MPHOSPH9: variants seen among roughly 807,000 people sequenced by gnomAD.
The protein encoded by MPHOSPH9 is M-phase phosphoprotein 9.
Under a neutral mutation model 145.5 loss-of-function variants are expected in MPHOSPH9, and 88 were observed. The observed-to-expected ratio is 0.60, with a 90% CI of 0.51 to 0.72. The LOEUF (loss-of-function observed/expected upper bound fraction) is 0.72. Among genes scored for constraint, MPHOSPH9 ranks in the 30% least tolerant of loss-of-function variants. The pLI is 0.00. For synonymous variants in MPHOSPH9, 435 were observed against 486.2 expected (o/e 0.89, Z 1.39); for missense variants, 1,238 against 1,386.6 (o/e 0.89, Z 1.70).
rs774604057 is a variant in MPHOSPH9 at position 123,221,520 on chromosome 12, C to T, written c.724G>A (p.Gly242Ser). 3 of 1,614,012 alleles carry T rather than the reference C, an allele frequency of 1.9e-6. No homozygotes were observed. The East Asian group carries it at 6.7e-5, about 36-fold the overall frequency. Residue 242 changes from glycine to serine, a missense_variant, in exon 5 of 24, where the codon GGT (glycine) becomes AGT (serine). Physicochemically the swap from Gly to Ser is moderately conservative, Grantham distance 56 (BLOSUM62 0). Coordinates refer to ENST00000606320, the MANE Select transcript of MPHOSPH9 (RefSeq NM_022782.4). The part of the protein sequence containing the change: ...PAVPAESLVD[G>S]VKNENFYIQT... ...ATATAAAAATTCTCATTTTTCACAC[C>T]ATCTACAAGTGACTCAGCCGGCACC... is the stretch of plus-strand genomic sequence containing the variant.
intron 17 of MPHOSPH9, 71 bp from the exon 18 acceptor site, chr12:123,165,548 C>A: frequency 7.5e-7 from 1 of 1,341,568 alleles, no homozygotes; most frequent in Non-Finnish European, 1.0e-6. Context: ...GCCCCCACAC[C>A]AAACATACAT....
chr12:123,214,807 G>A lies in MPHOSPH9; in HGVS notation c.1024C>T (p.Arg342Cys), dbSNP rs771509814. The A allele has an allele frequency of 1.2e-5, 19 of 1,613,464 alleles. No homozygotes were observed. In the East Asian group the frequency reaches 1.6e-4, roughly 13 times the overall value. Reference protein sequence around the residue: ...KSDFAAATHPRAFYLSKPDET... With the variant: ...KSDFAAATHPCAFYLSKPDET... ...TCTGGTTTACTGAGGTAAAAAGCAC[G>A]AGGATGTGTAGCAGCAGCAAAATCA... The change falls in exon 7 of 24, where the codon CGT (arginine) becomes TGT (cysteine). Residue 342 changes from arginine to cysteine, a missense_variant. This residue lies in a region of MPHOSPH9 where 837 missense variants were observed against 897.5 expected (regional missense o/e 0.93). Coordinates refer to ENST00000606320, the MANE Select transcript of MPHOSPH9 (RefSeq NM_022782.4).
upstream of MPHOSPH9, among the ~76,000 whole-genome samples, chr12:123,235,049 C>T (rs534531173): frequency 5.1e-4 from 77 of 152,344 alleles, no homozygotes; most frequent in African/African-American, 1.8e-3. Flanking sequence ...ATGAAATAAT[C>T]AGTTCCCAGA....
chr12:123,213,422 C>T (rs2046830069), intron 7 of MPHOSPH9, among the ~76,000 whole-genome samples: 1 of 152,050 alleles, frequency 6.6e-6, no homozygotes, highest in Non-Finnish European at 1.5e-5. Context: ...TCACTGCAGC[C>T]TTGACCTCCC....
rs184954284 is a variant in MPHOSPH9, at chr12:123,176,011, A to G, written c.2456+677T>C. On this transcript the variant is annotated intron_variant, in intron 16 of 23. Transcript: ENST00000606320. Reference sequence around the variant, plus strand: ...GCTTTCCAAAATTCTGGAATTACAGACGTGAACCACTGTGCCCGGCCCTAG... The same window carrying G: ...GCTTTCCAAAATTCTGGAATTACAGGCGTGAACCACTGTGCCCGGCCCTAG... 3.1e-3 allele frequency among the ~76,000 whole-genome samples: 478 copies of G among 152,210 alleles called. 1 individual carries two copies. The highest frequency in any genetic ancestry group is 0.011 in the African/African-American group (463 of 41,542).
chr12:123,186,868 A>G (rs961715743), intron 13 of MPHOSPH9, among the ~76,000 whole-genome samples: 40 of 152,188 alleles, frequency 2.6e-4, no homozygotes, highest in African/African-American at 8.9e-4. Context: ...GGCTGAGGCA[A>G]GAGAATTGTT....
At chr12:123,211,269 G>C (rs542171287) in intron 7 of MPHOSPH9, among the ~76,000 whole-genome samples, 90 of 152,212 alleles carry the variant, frequency 5.9e-4, no homozygotes, top group African/African-American at 2.1e-3. Context: ...ACAGGTGTGA[G>C]CCACCGTGCC....
chr12:123,207,965 G>A (rs2046514669), intron 8 of MPHOSPH9, among the ~76,000 whole-genome samples: 3 of 151,714 alleles, frequency 2.0e-5, no homozygotes, highest in South Asian at 4.2e-4. Flanking sequence ...ATGGGCCAGC[G>A]CAGTGGCTCA....
At chr12:123,157,986 AT>A (rs1256724225) in intron 23 of MPHOSPH9, among the ~76,000 whole-genome samples, 22 of 149,354 alleles carry the variant, frequency 1.5e-4, no homozygotes, top group Admixed American at 2.0e-4. Context: ...CTTTTATTTT[AT>A]TTTTTTTTTT....
Position 123,230,367 on chromosome 12 carries a change from T to C in MPHOSPH9, c.-3A>G, listed in dbSNP as rs2047593598. On this transcript the variant is annotated 5_prime_UTR_variant, in exon 2 of 24. Coordinates refer to ENST00000606320, the MANE Select transcript of MPHOSPH9 (RefSeq NM_022782.4). ...TTCACCAAGTCAAACTCTTCCATAG[T>C]GTACAGAAATTGTTATATTCTCTTA... 2 of 1,491,356 alleles carry C rather than the reference T, an allele frequency of 1.3e-6. No individual in the cohort carries two copies. Among genetic ancestry groups the C allele is most frequent in the Non-Finnish European group, 9.0e-7 (1 of 1,114,752 alleles). 92.4% of individuals were successfully genotyped at this position (1,491,356 alleles called of 1,614,324 possible). A position where few individuals can be genotyped will look rare whatever the true frequency, so the allele number is the denominator to read the frequency against.
chr12:123,232,249 C>G (rs1396898981), intron 1 of MPHOSPH9, among the ~76,000 whole-genome samples: 1 of 151,906 alleles, frequency 6.6e-6, no homozygotes, highest in South Asian at 2.1e-4. Flanking sequence ...TAATCCGGAT[C>G]CGGATGCAGA....
At position 123,230,421 on chromosome 12, in the gene MPHOSPH9, G is replaced by C. The variant is rs2047595170; in HGVS notation, c.-57C>G. 9.6e-7 allele frequency: 1 copy of C among 1,036,980 alleles called. No individual in the cohort carries two copies. The highest frequency in any genetic ancestry group is 1.4e-6 in the Non-Finnish European group (1 of 731,464). 64.2% of individuals were successfully genotyped at this position (1,036,980 alleles called of 1,614,324 possible). On this transcript the variant is annotated 5_prime_UTR_variant, in exon 2 of 24. An upstream open reading frame in the 5' UTR gains an earlier in-frame stop. Transcript: ENST00000606320. Reference sequence around the variant, plus strand: ...GAAAATAAAGGTTCTTGGGCTGTTTGAGAAAAATGAATCCGTGTCATCTTC... The same window carrying C: ...GAAAATAAAGGTTCTTGGGCTGTTTCAGAAAAATGAATCCGTGTCATCTTC...
intron 5 of MPHOSPH9, among the ~76,000 whole-genome samples, chr12:123,218,797 T>G (rs2047076195): frequency 6.6e-6 from 1 of 152,082 alleles, no homozygotes; most frequent in South Asian, 2.1e-4. Flanking sequence ...ATTACAGGCA[T>G]GAGCCACCAC....
intron 7 of MPHOSPH9, among the ~76,000 whole-genome samples, chr12:123,211,260 C>T (rs1281782157): frequency 6.6e-6 from 1 of 151,916 alleles, no homozygotes; most frequent in Non-Finnish European, 1.5e-5. Flanking sequence ...GCTGGGAAAA[C>T]AGGTGTGAGC....
At chr12:123,220,891 T>A (rs926077466) in intron 5 of MPHOSPH9, among the ~76,000 whole-genome samples, 1 of 151,984 alleles carries the variant, frequency 6.6e-6, no homozygotes. Context: ...CCGTCTCTAC[T>A]AAAAATACAA....
At chr12:123,185,580 C>T (rs1211963386) in intron 13 of MPHOSPH9, among the ~76,000 whole-genome samples, 1 of 151,822 alleles carries the variant, frequency 6.6e-6, no homozygotes, top group Non-Finnish European at 1.5e-5. Context: ...CGCATCTCTA[C>T]AAAAAAATAA....
In MPHOSPH9 at chr12:123,163,206, A is replaced by G; in HGVS notation, c.2909-72T>C. ...TCAGCATAACAGTTTCTTATTCAGT[A>G]TTTTTTTTCTAATTTTGAAAGGAAT... is the stretch of plus-strand genomic sequence containing the variant. On this transcript the variant is annotated intron_variant, in intron 19 of 23. Coordinates refer to ENST00000606320, the MANE Select transcript of MPHOSPH9 (RefSeq NM_022782.4). The G allele has an allele frequency of 2.8e-6, 4 of 1,413,416 alleles. No homozygotes were observed. The South Asian group carries it at 5.5e-5, about 19-fold the overall frequency. The allele number at this position is 1,413,416 out of a possible 1,614,324, so 87.6% of individuals were successfully genotyped here. A position where few individuals can be genotyped will look rare whatever the true frequency, so the allele number is the denominator to read the frequency against.
In MPHOSPH9 at chr12:123,210,042, T is replaced by A; in HGVS notation, c.1194+14A>T. On this transcript the variant is annotated intron_variant, in intron 8 of 23. Transcript: ENST00000606320. ...TAAGCCACCGCGCCCGGCCACCGTG[T>A]GTTTTTAAATTACCTGGTTTGGTGA... The A allele has an allele frequency of 6.3e-7, 1 of 1,591,110 alleles. No homozygotes were observed.
chr12:123,241,141 G>GT (rs869070643), intron 1 of MPHOSPH9, among the ~76,000 whole-genome samples: 38 of 148,818 alleles, frequency 2.6e-4, no homozygotes, highest in African/African-American at 7.8e-4. Context: ...ATTTGGGGTT[G>GT]TTTTTTTTTT....
Sources: gnomAD v4.1 joint callset for allele counts (sites outside exome capture counted in the v4.1 genomes callset) on GRCh38, gnomAD v4.1.1 for gene constraint, gnomAD v4.1.1 regional missense constraint, MANE v1.5 for transcripts, NCBI Gene and HGNC (gene_info 2026-07-23, HGNC 2026-07-21) for gene names.